Variants in PPP3R1 observed in about 807,000 individuals in gnomAD.
PPP3R1 encodes the protein calcineurin subunit B type 1.
PPP3R1 carries 5 observed loss-of-function variants against 22.6 expected under a neutral mutation model. The ratio of observed to expected loss-of-function variants is 0.22; its 90% CI spans 0.12 to 0.46. The LOEUF is 0.46. PPP3R1 is among the 20% of genes least tolerant of loss of function. The probability of loss-of-function intolerance (pLI) is 0.99; values close to 1 mark genes in which losing one functional copy is unlikely to be tolerated. For missense variants in PPP3R1, 61 were observed against 203.2 expected (o/e 0.30, Z 4.25); for synonymous variants, 56 against 65.2 (o/e 0.86, Z 0.68).
In PPP3R1 at chr2:68,180,794, A is replaced by G. The variant is rs875; in HGVS notation, c.*169T>C. On this transcript the variant is annotated 3_prime_UTR_variant, in exon 6 of 6. Coordinates refer to ENST00000234310, the MANE Select transcript of PPP3R1 (RefSeq NM_000945.4). ...GCTACACTGAGTTATTGAGAGAATT[A>G]CAGTTCAATAACACTTAGTTGGCTT... The G allele has an allele frequency of 0.34, 216,316 of 630,888 alleles. 40,896 individuals are homozygous for G. The highest frequency in any genetic ancestry group is 0.53 in the South Asian group (27,062 of 50,954). The allele number at this position is 630,888 out of a possible 1,614,324, so 39.1% of individuals were successfully genotyped here. A position where few individuals can be genotyped will look rare whatever the true frequency, so the allele number is the denominator to read the frequency against.
intron 1 of PPP3R1, among the ~76,000 whole-genome samples, chr2:68,230,260 T>A (rs576370544): frequency 5.9e-5 from 9 of 152,340 alleles, no homozygotes; most frequent in Middle Eastern, 3.4e-3. Flanking sequence ...TCCAAAGTGC[T>A]GGGATTACAG....
intron 1 of PPP3R1, among the ~76,000 whole-genome samples, chr2:68,246,411 A>C (rs149547876): frequency 6.6e-6 from 1 of 151,958 alleles, no homozygotes; most frequent in African/African-American, 2.4e-5. Context: ...ATCCTTCCTC[A>C]AAACTAAATT....
At chr2:68,183,754 AC>A (rs1317308229) in intron 5 of PPP3R1, among the ~76,000 whole-genome samples, 1 of 151,880 alleles carries the variant, frequency 6.6e-6, no homozygotes, top group Non-Finnish European at 1.5e-5. Context: ...ATTTTTTTGG[AC>A]CTGGTTTCAT....
intron 2 of PPP3R1, among the ~76,000 whole-genome samples, chr2:68,198,272 T>C (rs116211567): frequency 0.055 from 7,918 of 142,696 alleles, 261 homozygotes; most frequent in Middle Eastern, 0.17. Flanking sequence ...CATACATATG[T>C]GTATGCATGT....
At chr2:68,227,504 A>C (rs1558639802) in intron 1 of PPP3R1, among the ~76,000 whole-genome samples, 1 of 152,046 alleles carries the variant, frequency 6.6e-6, no homozygotes, top group Non-Finnish European at 1.5e-5. Flanking sequence ...GACAGAAAAG[A>C]TCAAAAGACA....
intron 1 of PPP3R1, among the ~76,000 whole-genome samples, chr2:68,226,038 T>C (rs1669773635): frequency 6.6e-6 from 1 of 152,142 alleles, no homozygotes; most frequent in Non-Finnish European, 1.5e-5. Context: ...AATAACATAA[T>C]GAATCTCAAA....
intron 2 of PPP3R1, 74 bp from the exon 3 acceptor site, chr2:68,188,764 G>A (rs1674599264): frequency 7.5e-6 from 10 of 1,340,004 alleles, no homozygotes; most frequent in South Asian, 3.5e-5. Context: ...GCAGTAGCAA[G>A]ATTTTAAAAA....
intron 2 of PPP3R1, among the ~76,000 whole-genome samples, chr2:68,192,879 A>G (rs1049808925): frequency 6.6e-6 from 1 of 152,158 alleles, no homozygotes; most frequent in Non-Finnish European, 1.5e-5. Flanking sequence ...CTCTTGGCAC[A>G]TCTCTGCTAA....
At chr2:68,225,288 G>A (rs959700745) in intron 1 of PPP3R1, among the ~76,000 whole-genome samples, 1 of 152,194 alleles carries the variant, frequency 6.6e-6, no homozygotes, top group African/African-American at 2.4e-5. Context: ...AATTTTCCCT[G>A]TGTGGTCTAA....
chr2:68,184,792 T>A (rs1416325529), intron 5 of PPP3R1, among the ~76,000 whole-genome samples: 1 of 152,154 alleles, frequency 6.6e-6, no homozygotes, highest in African/African-American at 2.4e-5. Context: ...AAGCAACTGA[T>A]TACAAATACT....
rs567222085 is a variant in PPP3R1, at chr2:68,239,167, A to T, written c.3+12958T>A. ...AGATAAATAGCCAATATGAGTCAAG[A>T]GGAAGGATGTGAACTAAACGGACAG... is the stretch of plus-strand genomic sequence containing the variant. On this transcript the variant is annotated intron_variant, in intron 1 of 5. Transcript: ENST00000234310. Among the ~76,000 whole-genome samples, 161 of 152,328 alleles carry T rather than the reference A, an allele frequency of 1.1e-3. 1 individual carries two copies. The highest frequency in any genetic ancestry group is 2.1e-3 in the South Asian group (10 of 4,834).
At chr2:68,188,373 C>A in intron 3 of PPP3R1, 141 bp downstream of exon 3, 1 of 579,390 alleles carries the variant, frequency 1.7e-6, no homozygotes, top group Non-Finnish European at 2.8e-6. Context: ...GTGTATATGC[C>A]ACAGACGCTG....
intron 2 of PPP3R1, among the ~76,000 whole-genome samples, chr2:68,207,317 T>C (rs917563245): frequency 6.6e-6 from 1 of 151,930 alleles, no homozygotes; most frequent in African/African-American, 2.4e-5. Context: ...CACAGCTGGC[T>C]GAACAATGAC....
At chr2:68,193,041 C>A (rs1179225262) in intron 2 of PPP3R1, among the ~76,000 whole-genome samples, 1 of 152,088 alleles carries the variant, frequency 6.6e-6, no homozygotes, top group Non-Finnish European at 1.5e-5. Context: ...TATCTCACTC[C>A]CTGGCAAAGG....
chr2:68,185,748 C>G (rs1674532573), intron 5 of PPP3R1, among the ~76,000 whole-genome samples: 1 of 151,932 alleles, frequency 6.6e-6, no homozygotes, highest in African/African-American at 2.4e-5. Context: ...CGGTAGCGCC[C>G]CCTGGGGGTA....
Position 68,184,071 on chromosome 2 carries a change from C to A in PPP3R1, c.465+2397G>T, listed in dbSNP as rs917017505. Among the ~76,000 whole-genome samples, 19 of 152,336 alleles carry A rather than the reference C, an allele frequency of 1.2e-4. 1 individual carries two copies. Among genetic ancestry groups the A allele is most frequent in the African/African-American group, 4.3e-4 (18 of 41,580 alleles). ...ACTTAGCTCCCCAACACATATACCT[C>A]ATCTCTGCCTCATGTTTCCCAGCCT... On this transcript the variant is annotated intron_variant, in intron 5 of 5. Coordinates refer to ENST00000234310, the MANE Select transcript of PPP3R1 (RefSeq NM_000945.4).
intron 2 of PPP3R1, among the ~76,000 whole-genome samples, chr2:68,205,054 A>T (rs923433385): frequency 6.6e-6 from 1 of 152,200 alleles, no homozygotes; most frequent in African/African-American, 2.4e-5. Context: ...TTATTTAAAA[A>T]GCCCCAACTT....
chr2:68,181,729 C>T (rs945053700), intron 5 of PPP3R1, among the ~76,000 whole-genome samples: 6 of 151,772 alleles, frequency 4.0e-5, no homozygotes, highest in African/African-American at 1.2e-4. Flanking sequence ...TAATATCACA[C>T]GATAACCAGA....
rs1446263089 is a variant in PPP3R1 at position 68,252,410 on chromosome 2, A to G, written c.-283T>C. 2 of 998,060 alleles carry G rather than the reference A, an allele frequency of 2.0e-6. No homozygotes were observed. The highest frequency in any genetic ancestry group is 2.4e-6 in the Non-Finnish European group (2 of 839,590). 61.8% of individuals were successfully genotyped at this position (998,060 alleles called of 1,614,324 possible). ...GCGAGAGGCAGGAGAGGCAGAGAAG[A>G]AGAAAGGAGGGGGAGAGGGGGCGAA... On this transcript the variant is annotated 5_prime_UTR_variant, in exon 1 of 6. Transcript: ENST00000234310.
Sources: gnomAD v4.1 joint callset for allele counts (sites outside exome capture counted in the v4.1 genomes callset) on GRCh38, gnomAD v4.1.1 for gene constraint, MANE v1.5 for transcripts, NCBI Gene and HGNC (gene_info 2026-07-23, HGNC 2026-07-21) for gene names.